KCNH1: variants seen among roughly 807,000 people sequenced by gnomAD.
KCNH1 encodes the protein potassium voltage-gated channel subfamily H member 1, also known as voltage-gated delayed rectifier potassium channel KCNH1.
KCNH1 carries 27 observed loss-of-function variants against 69.2 expected under a neutral mutation model. The ratio of observed to expected loss-of-function variants is 0.39; its 90% CI spans 0.29 to 0.54. The LOEUF (loss-of-function observed/expected upper bound fraction) is 0.54. KCNH1 is among the 20% of genes least tolerant of loss of function. The pLI, the probability that KCNH1 is intolerant of heterozygous loss-of-function variation, is 0.68. For missense variants in KCNH1, 798 were observed against 1,261.6 expected (o/e 0.63, Z 5.57); for synonymous variants, 456 against 487.7 (o/e 0.93, Z 0.86).
intron 7 of KCNH1, among the ~76,000 whole-genome samples, chr1:210,857,518 G>A (rs981542845): frequency 2.6e-5 from 4 of 152,072 alleles, no homozygotes; most frequent in Non-Finnish European, 5.9e-5. Flanking sequence ...AAGAAGTCAG[G>A]GTGAAAAATA....
chr1:210,805,175 G>A (rs149534051), intron 7 of KCNH1, among the ~76,000 whole-genome samples: 70 of 152,310 alleles, frequency 4.6e-4, no homozygotes, highest in African/African-American at 1.6e-3. Flanking sequence ...CCCTGACAGT[G>A]TGAGTTGCTT....
chr1:211,083,334 A>AGTTG (rs1397304375), intron 4 of KCNH1, among the ~76,000 whole-genome samples: 7 of 152,260 alleles, frequency 4.6e-5, no homozygotes, highest in Non-Finnish European at 8.8e-5. Context: ...TTGCAGAAAC[A>AGTTG]GTTGGTTCTG....
intron 1 of KCNH1, among the ~76,000 whole-genome samples, chr1:211,129,045 A>C (rs1691831850): frequency 6.6e-6 from 1 of 152,230 alleles, no homozygotes; most frequent in Admixed American, 6.5e-5. Flanking sequence ...GGTTCTGGAG[A>C]GGATTCAGTG....
intron 5 of KCNH1, among the ~76,000 whole-genome samples, chr1:211,040,060 G>A (rs1007731595): frequency 1.1e-4 from 17 of 151,960 alleles, no homozygotes; most frequent in African/African-American, 3.1e-4. Context: ...GCGTGGTGGC[G>A]GGCGCCTGTA....
At chr1:210,982,575 C>T (rs1260294793) in intron 6 of KCNH1, among the ~76,000 whole-genome samples, 1 of 152,122 alleles carries the variant, frequency 6.6e-6, no homozygotes, top group African/African-American at 2.4e-5. Flanking sequence ...CAGTTTCATC[C>T]ATGTCCCTAC....
At chr1:210,728,575 A>C (rs1353059206) in intron 10 of KCNH1, among the ~76,000 whole-genome samples, 1 of 152,204 alleles carries the variant, frequency 6.6e-6, no homozygotes, top group Admixed American at 6.5e-5. Flanking sequence ...AAAATGGGAA[A>C]AGACATGGGG....
At chr1:211,106,018 T>G (rs957553255) in intron 2 of KCNH1, among the ~76,000 whole-genome samples, 1 of 152,256 alleles carries the variant, frequency 6.6e-6, no homozygotes, top group East Asian at 1.9e-4. Flanking sequence ...GAAGAGTATT[T>G]TATTTTAAAA....
chr1:210,846,389 T>A (rs571826844), intron 7 of KCNH1, among the ~76,000 whole-genome samples: 10 of 152,086 alleles, frequency 6.6e-5, no homozygotes, highest in Non-Finnish European at 1.5e-4. Flanking sequence ...GAGATATAGA[T>A]CAATGGAACA....
chr1:210,918,359 A>C (rs759215917), intron 7 of KCNH1, among the ~76,000 whole-genome samples: 5 of 152,212 alleles, frequency 3.3e-5, no homozygotes, highest in Non-Finnish European at 5.9e-5. Context: ...GACCTGTCTA[A>C]ACTGAAATTT....
intron 1 of KCNH1, among the ~76,000 whole-genome samples, chr1:211,131,395 C>A (rs1398214774): frequency 6.6e-6 from 1 of 152,140 alleles, no homozygotes; most frequent in African/African-American, 2.4e-5. Context: ...GGAATACCAG[C>A]CTCAGGCATT....
At chr1:210,915,322 C>T (rs1687313111) in intron 7 of KCNH1, among the ~76,000 whole-genome samples, 1 of 152,184 alleles carries the variant, frequency 6.6e-6, no homozygotes, top group African/African-American at 2.4e-5. Context: ...ACCAAATCCT[C>T]AGCACTTAGC....
At chr1:210,886,098 G>T (rs1686600542) in intron 7 of KCNH1, among the ~76,000 whole-genome samples, 1 of 152,150 alleles carries the variant, frequency 6.6e-6, no homozygotes, top group South Asian at 2.1e-4. Context: ...CCTCCTGATG[G>T]GGAGACACCT....
At chr1:211,088,334 T>C (rs1205722113) in intron 4 of KCNH1, among the ~76,000 whole-genome samples, 1 of 152,188 alleles carries the variant, frequency 6.6e-6, no homozygotes, top group Non-Finnish European at 1.5e-5. Context: ...GGAAACAAGC[T>C]GCTGAGAGTA....
At chr1:210,815,341 T>C (rs968570721) in intron 7 of KCNH1, among the ~76,000 whole-genome samples, 6 of 152,088 alleles carry the variant, frequency 3.9e-5, no homozygotes, top group African/African-American at 1.4e-4. Context: ...TGAGAATGCA[T>C]AAGGAGACTC....
chr1:210,684,967 A>G (rs116282074), intron 10 of KCNH1, among the ~76,000 whole-genome samples: 3,583 of 152,298 alleles, frequency 0.024, 140 homozygotes, highest in African/African-American at 0.082. Flanking sequence ...ATCACATAAC[A>G]GGTAAGTTGC....
intron 6 of KCNH1, among the ~76,000 whole-genome samples, chr1:210,972,704 A>G (rs1350702878): frequency 6.6e-6 from 1 of 152,110 alleles, no homozygotes; most frequent in Admixed American, 6.6e-5. Context: ...TTCACTGGAA[A>G]AAGTCTATAT....
chr1:210,921,988 G>A (rs183651554), intron 6 of KCNH1, among the ~76,000 whole-genome samples: 174 of 152,120 alleles, frequency 1.1e-3, no homozygotes, highest in African/African-American at 3.9e-3. Flanking sequence ...TAAACCATAC[G>A]TAGCATAGCC....
chr1:210,913,217 G>A (rs1687269649), intron 7 of KCNH1, among the ~76,000 whole-genome samples: 1 of 152,092 alleles, frequency 6.6e-6, no homozygotes, highest in African/African-American at 2.4e-5. Flanking sequence ...GGCTAGAAAA[G>A]AACTCTAACG....
Position 210,859,743 on chromosome 1 carries a change from T to C in KCNH1, c.1463-55577A>G, listed in dbSNP as rs535077174. Reference sequence around the variant, plus strand: ...CCTGATTTAAACCTTGGGGTATCTGTTCCATATCAATAAGAGCACAGAGAC... The same window carrying C: ...CCTGATTTAAACCTTGGGGTATCTGCTCCATATCAATAAGAGCACAGAGAC... On this transcript the variant is annotated intron_variant, in intron 7 of 10. Transcript: ENST00000271751. 8.2e-6 allele frequency: 9 copies of C among 1,093,314 alleles called. No homozygotes were observed. The Admixed American group carries it at 1.0e-4, about 12-fold the overall frequency. The allele number at this position is 1,093,314 out of a possible 1,614,324, so 67.7% of individuals were successfully genotyped here. A position where few individuals can be genotyped will look rare whatever the true frequency, so the allele number is the denominator to read the frequency against.
Sources: gnomAD v4.1 joint callset for allele counts (sites outside exome capture counted in the v4.1 genomes callset) on GRCh38, gnomAD v4.1.1 for gene constraint, MANE v1.5 for transcripts, NCBI Gene and HGNC (gene_info 2026-07-23, HGNC 2026-07-21) for gene names.